CTNNA3: variants seen among roughly 807,000 people sequenced by gnomAD.
CTNNA3 encodes the protein catenin alpha 3.
In CTNNA3, 76 loss-of-function variants were observed where a neutral mutation model predicts 95.7. That is an observed-to-expected ratio of 0.79 (90% CI 0.66 to 0.96). The LOEUF is 0.96. Ranked by LOEUF, CTNNA3 falls within the 40% of genes least tolerant of loss-of-function variation. The probability of loss-of-function intolerance (pLI) is 0.00; values close to 1 mark genes in which losing one functional copy is unlikely to be tolerated. For synonymous variants in CTNNA3, 431 were observed against 374.4 expected, an observed-to-expected ratio of 1.15 and a Z score of -1.74; for missense variants, 1,191 against 1,089.8, an observed-to-expected ratio of 1.09 and a Z score of -1.31.
chr10:66,668,388 G>A lies in CTNNA3; in HGVS notation c.1282-46604C>T, dbSNP rs566685051. ...ATTTGAAAGCACATATACTTATCAGGATGGGTTCCTAAAACTTTTTTCTCA... is the reference window on the plus strand; with the variant it reads ...ATTTGAAAGCACATATACTTATCAGAATGGGTTCCTAAAACTTTTTTCTCA... On this transcript the variant is annotated intron_variant, in intron 9 of 17. Coordinates refer to ENST00000433211, the MANE Select transcript of CTNNA3 (RefSeq NM_013266.4). 2.0e-5 allele frequency among the ~76,000 whole-genome samples: 3 copies of A among 151,024 alleles called. No homozygotes were observed. In the East Asian group the frequency reaches 5.8e-4, roughly 29 times the overall value.
At chr10:66,685,364 T>TAA (rs1847256081) in intron 9 of CTNNA3, among the ~76,000 whole-genome samples, 1 of 28,134 alleles carries the variant, frequency 3.6e-5, no homozygotes, top group African/African-American at 1.9e-4. Flanking sequence ...TTTTTTTTTT[T>TAA]TTTTTTTTTT....
At chr10:67,185,141 T>A (rs1447414204) in intron 6 of CTNNA3, among the ~76,000 whole-genome samples, 1 of 152,180 alleles carries the variant, frequency 6.6e-6, no homozygotes, top group Non-Finnish European at 1.5e-5. Context: ...TTTCTTTTTT[T>A]GTTTTTTAGA....
chr10:66,359,034 C>A (rs2092633517), intron 12 of CTNNA3, among the ~76,000 whole-genome samples: 2 of 152,260 alleles, frequency 1.3e-5, no homozygotes, highest in African/African-American at 4.8e-5. Context: ...TTGAATCATG[C>A]TCTCCTTCTC....
At chr10:66,442,234 G>C (rs151299079) in intron 11 of CTNNA3, among the ~76,000 whole-genome samples, 1 of 152,064 alleles carries the variant, frequency 6.6e-6, no homozygotes, top group Non-Finnish European at 1.5e-5. Flanking sequence ...TAGGTTATAT[G>C]CCAATAGTAC....
At chr10:67,562,186 T>C (rs576179564) in intron 3 of CTNNA3, among the ~76,000 whole-genome samples, 1 of 152,010 alleles carries the variant, frequency 6.6e-6, no homozygotes, top group African/African-American at 2.4e-5. Context: ...GACACAACCA[T>C]AAAAGAGAAT....
At chr10:67,183,598 G>C (rs1451731918) in intron 6 of CTNNA3, among the ~76,000 whole-genome samples, 1 of 151,862 alleles carries the variant, frequency 6.6e-6, no homozygotes, top group Non-Finnish European at 1.5e-5. Flanking sequence ...TAAATGACGA[G>C]TTAATGGGTG....
At chr10:67,130,648 T>C (rs1704048016) in intron 7 of CTNNA3, among the ~76,000 whole-genome samples, 2 of 152,146 alleles carry the variant, frequency 1.3e-5, no homozygotes, top group Admixed American at 6.6e-5. Flanking sequence ...GTGTAGCTTA[T>C]GTTGGAAGCC....
At chr10:66,609,268 G>T (rs1844243009) in intron 10 of CTNNA3, among the ~76,000 whole-genome samples, 1 of 150,106 alleles carries the variant, frequency 6.7e-6, no homozygotes, top group African/African-American at 2.5e-5. Flanking sequence ...TTCACCATTT[G>T]GCCAGGCTGA....
At chr10:67,500,657 G>A (rs112605556) in intron 5 of CTNNA3, among the ~76,000 whole-genome samples, 2,595 of 152,250 alleles carry the variant, frequency 0.017, 76 homozygotes, top group African/African-American at 0.057. Flanking sequence ...TTCTTGTCAC[G>A]TTGATTGCTT....
At chr10:66,098,036 T>A (rs1042742137) in intron 14 of CTNNA3, 2 of 152,036 alleles carry the variant, frequency 1.3e-5, no homozygotes, top group Admixed American at 6.6e-5. Flanking sequence ...CAAGAGAGAC[T>A]TTCAGGGTCT....
At chr10:67,062,465 G>A (rs1023076139) in intron 7 of CTNNA3, among the ~76,000 whole-genome samples, 2 of 152,052 alleles carry the variant, frequency 1.3e-5, no homozygotes, top group Non-Finnish European at 2.9e-5. Flanking sequence ...TAAAAATTAA[G>A]TACATTCATT....
intron 15 of CTNNA3, among the ~76,000 whole-genome samples, chr10:66,001,927 A>G (rs1331000998): frequency 6.6e-6 from 1 of 152,176 alleles, no homozygotes; most frequent in Non-Finnish European, 1.5e-5. Context: ...TATAAAATAT[A>G]TACACACATA....
At chr10:67,242,191 A>C (rs1172622162) in intron 5 of CTNNA3, among the ~76,000 whole-genome samples, 2 of 152,198 alleles carry the variant, frequency 1.3e-5, no homozygotes, top group Non-Finnish European at 2.9e-5. Context: ...TGATACAAAA[A>C]CCTCAGGTCA....
At chr10:66,880,682 T>G (rs1028962279) in intron 7 of CTNNA3, among the ~76,000 whole-genome samples, 1 of 152,078 alleles carries the variant, frequency 6.6e-6, no homozygotes, top group Non-Finnish European at 1.5e-5. Flanking sequence ...GCAATGACAC[T>G]TTTTTTCTCC....
At chr10:66,465,484 G>T (rs1433072895) in intron 11 of CTNNA3, among the ~76,000 whole-genome samples, 1 of 152,158 alleles carries the variant, frequency 6.6e-6, no homozygotes, top group Non-Finnish European at 1.5e-5. Flanking sequence ...AGGATACATT[G>T]CAGTGAGAAT....
At chr10:66,100,454 C>G (rs1208320250) in intron 14 of CTNNA3, among the ~76,000 whole-genome samples, 1 of 152,120 alleles carries the variant, frequency 6.6e-6, no homozygotes, top group Non-Finnish European at 1.5e-5. Context: ...CAGAGAGTAG[C>G]CAGGTTGAAT....
At chr10:66,706,169 C>A (rs199898064) in intron 9 of CTNNA3, among the ~76,000 whole-genome samples, 2 of 151,958 alleles carry the variant, frequency 1.3e-5, no homozygotes, top group East Asian at 3.9e-4. Flanking sequence ...CTACAAAAAA[C>A]AATGGAAATT....
At position 66,927,353 on chromosome 10, in the gene CTNNA3, A is replaced by C; in HGVS notation, c.1048-151829T>G. On this transcript the variant is annotated intron_variant, in intron 7 of 17. Transcript: ENST00000433211. This position sits in a 1 kb window ranked among gnomAD's most constrained non-coding sequence, Gnocchi z 4.7. ...TTGGATCTGTCCTATAATCAGCTGC[A>C]TTCTCTGGGATCTGAACAGTTTCGG... is the stretch of plus-strand genomic sequence containing the variant. 6.2e-7 allele frequency: 1 copy of C among 1,614,178 alleles called. No individual in the cohort carries two copies. The highest frequency in any genetic ancestry group is 8.5e-7 in the Non-Finnish European group (1 of 1,180,028).
intron 15 of CTNNA3, among the ~76,000 whole-genome samples, chr10:66,009,022 C>T (rs2078952443): frequency 6.6e-6 from 1 of 152,092 alleles, no homozygotes; most frequent in Admixed American, 6.5e-5. Context: ...ATCACTTGAA[C>T]CCTGGAGGCG....
Sources: allele counts gnomAD v4.1 joint callset (sites outside exome capture counted in the v4.1 genomes callset), GRCh38; gene constraint gnomAD v4.1.1; non-coding constraint Gnocchi (gnomAD v3.1); transcripts MANE v1.5; gene names NCBI Gene and HGNC (gene_info 2026-07-23, HGNC 2026-07-21).